ASTN2: variants seen among roughly 807,000 people sequenced by gnomAD.
The protein encoded by ASTN2 is astrotactin-2.
Under a neutral mutation model 139.8 loss-of-function variants are expected in ASTN2, and 54 were observed. The ratio of observed to expected loss-of-function variants is 0.39; its 90% CI spans 0.31 to 0.48. The LOEUF is 0.48. ASTN2 is among the 20% of genes least tolerant of loss of function. The pLI is 0.95. For synonymous variants in ASTN2, 756 were observed against 719.5 expected, an observed-to-expected ratio of 1.05 and a Z score of -0.81; for missense variants, 1,565 against 1,725.1, an observed-to-expected ratio of 0.91 and a Z score of 1.64.
At chr9:116,508,049 C>A (rs192689272) in intron 19 of ASTN2, among the ~76,000 whole-genome samples, 1 of 152,056 alleles carries the variant, frequency 6.6e-6, no homozygotes, top group South Asian at 2.1e-4. Context: ...CCACCATGCC[C>A]GGCTAATTTT....
At chr9:116,895,299 C>T (rs1268541907) in intron 10 of ASTN2, among the ~76,000 whole-genome samples, 2 of 152,154 alleles carry the variant, frequency 1.3e-5, no homozygotes, top group Non-Finnish European at 2.9e-5. Context: ...AGACTTGGGT[C>T]CCATCTCCAG....
At chr9:116,607,667 A>G (rs925217219) in intron 19 of ASTN2, among the ~76,000 whole-genome samples, 2 of 141,236 alleles carry the variant, frequency 1.4e-5, no homozygotes, top group Non-Finnish European at 3.0e-5. Flanking sequence ...CCATTAAGAA[A>G]TTAACACACA....
chr9:117,218,255 C>G (rs770985559), intron 2 of ASTN2, among the ~76,000 whole-genome samples: 4 of 152,202 alleles, frequency 2.6e-5, no homozygotes, highest in South Asian at 4.1e-4. Flanking sequence ...TTCTTTAGCC[C>G]TTGACCTTGC....
At chr9:116,526,629 A>AC (rs2119263836) in intron 19 of ASTN2, among the ~76,000 whole-genome samples, 1 of 152,008 alleles carries the variant, frequency 6.6e-6, no homozygotes, top group Non-Finnish European at 1.5e-5. Flanking sequence ...CTCAAAAAAA[A>AC]AAAAAAGTGA....
At chr9:117,268,120 G>A (rs1377431960) in intron 2 of ASTN2, among the ~76,000 whole-genome samples, 1 of 152,134 alleles carries the variant, frequency 6.6e-6, no homozygotes, top group Non-Finnish European at 1.5e-5. Flanking sequence ...AGTCTTTCCT[G>A]AATTAACTGA....
intron 19 of ASTN2, among the ~76,000 whole-genome samples, chr9:116,533,158 GTT>G (rs1851439530): frequency 6.6e-6 from 1 of 152,086 alleles, no homozygotes; most frequent in Non-Finnish European, 1.5e-5. Context: ...TTGGCTCTCT[GTT>G]TGTCTGTTAT....
intron 15 of ASTN2, among the ~76,000 whole-genome samples, chr9:116,727,671 CCA>C (rs1308630667): frequency 1.3e-5 from 2 of 152,100 alleles, no homozygotes; most frequent in African/African-American, 4.8e-5. Flanking sequence ...AAAAACAATA[CCA>C]CAGAGATGCC....
chr9:116,894,461 G>A (rs1206958432), intron 10 of ASTN2, among the ~76,000 whole-genome samples: 1 of 152,170 alleles, frequency 6.6e-6, no homozygotes, highest in Admixed American at 6.5e-5. Flanking sequence ...CCTGATGATA[G>A]ATAAAATATT....
At chr9:117,281,174 C>A (rs1834315056) in intron 2 of ASTN2, among the ~76,000 whole-genome samples, 1 of 152,168 alleles carries the variant, frequency 6.6e-6, no homozygotes, top group South Asian at 2.1e-4. Context: ...AAGAAAGGGA[C>A]CTTCCCTGGG....
At chr9:117,342,542 G>T (rs941588504) in intron 1 of ASTN2, among the ~76,000 whole-genome samples, 1 of 152,092 alleles carries the variant, frequency 6.6e-6, no homozygotes, top group African/African-American at 2.4e-5. Context: ...TTTCAGAGTA[G>T]CCCAGGGATC....
At chr9:116,550,856 T>G (rs1852310918) in intron 19 of ASTN2, 1 of 152,242 alleles carries the variant, frequency 6.6e-6, no homozygotes, top group African/African-American at 2.4e-5. Context: ...CTCTGCTGCC[T>G]GCTAGGAGAG....
intron 12 of ASTN2, among the ~76,000 whole-genome samples, chr9:116,808,589 G>A (rs1192261985): frequency 1.3e-5 from 2 of 152,104 alleles, no homozygotes; most frequent in African/African-American, 4.8e-5. Context: ...CACTTTAGCT[G>A]TTTATAGCTA....
At chr9:116,853,653 C>G (rs1429560122) in intron 11 of ASTN2, among the ~76,000 whole-genome samples, 1 of 152,204 alleles carries the variant, frequency 6.6e-6, no homozygotes, top group African/African-American at 2.4e-5. Context: ...TGATCAGAGA[C>G]CCTTTAGGCC....
chr9:116,605,112 G>C (rs1855122809), intron 19 of ASTN2, among the ~76,000 whole-genome samples: 1 of 151,818 alleles, frequency 6.6e-6, no homozygotes, highest in Non-Finnish European at 1.5e-5. Context: ...AAGAAAAGAA[G>C]GAAGGAGAGA....
At chr9:116,996,451 A>C (rs2132560448) in intron 7 of ASTN2, among the ~76,000 whole-genome samples, 1 of 152,256 alleles carries the variant, frequency 6.6e-6, no homozygotes, top group East Asian at 1.9e-4. Context: ...ATTACTATTT[A>C]CTATAAAGGA....
intron 19 of ASTN2, among the ~76,000 whole-genome samples, chr9:116,530,130 TATATATATATATATATATATAAAATAG>T (rs1851272034): frequency 3.1e-5 from 1 of 32,296 alleles, no homozygotes; most frequent in African/African-American, 1.0e-4. Flanking sequence ...TATATATATA[TATATATATATATATATATATAAAATAG>T]AATATTATTA....
At chr9:117,082,589 G>T (rs952307164) in intron 5 of ASTN2, among the ~76,000 whole-genome samples, 2 of 152,146 alleles carry the variant, frequency 1.3e-5, no homozygotes, top group Non-Finnish European at 2.9e-5. Flanking sequence ...ATCACCTGAG[G>T]TCAGGAATTC....
At chr9:116,497,013 C>T (rs887667966) in intron 19 of ASTN2, among the ~76,000 whole-genome samples, 1 of 152,190 alleles carries the variant, frequency 6.6e-6, no homozygotes, top group Non-Finnish European at 1.5e-5. Flanking sequence ...CATGTCAAGT[C>T]CTTCACCCAG....
intron 19 of ASTN2, among the ~76,000 whole-genome samples, chr9:116,534,137 GC>G (rs1175451869): frequency 1.3e-5 from 2 of 152,144 alleles, no homozygotes; most frequent in Non-Finnish European, 2.9e-5. Flanking sequence ...AGATTTTCTA[GC>G]TTATCTGTGT....
Sources: allele counts gnomAD v4.1 joint callset (sites outside exome capture counted in the v4.1 genomes callset), GRCh38; gene constraint gnomAD v4.1.1; transcripts MANE v1.5; gene names NCBI Gene and HGNC (gene_info 2026-07-23, HGNC 2026-07-21).